The following FRY variants were observed in gnomAD, a reference collection of about 807,000 sequenced individuals.
FRY encodes FRY microtubule binding protein.
In FRY, 128 loss-of-function variants were observed where a neutral mutation model predicts 348.4. The observed-to-expected ratio is 0.37, with a 90% confidence interval of 0.32 to 0.43. FRY has a LOEUF of 0.43. Ranked by LOEUF, FRY falls within the 20% of genes least tolerant of loss-of-function variation. The probability of loss-of-function intolerance (pLI) is 1.00; values close to 1 mark genes in which losing one functional copy is unlikely to be tolerated. For missense variants in FRY, 2,736 were observed against 3,695.2 expected (o/e 0.74, Z 6.73); for synonymous variants, 1,370 against 1,374.7 (o/e 1.00, Z 0.08).
chr13:32,137,785 A>C (rs1454308836), intron 11 of FRY, among the ~76,000 whole-genome samples: 1 of 152,228 alleles, frequency 6.6e-6, no homozygotes, highest in African/African-American at 2.4e-5. Flanking sequence ...TTGAATTTTA[A>C]GAATATAGTT....
chr13:32,203,837 C>T (rs1169183626), intron 31 of FRY, among the ~76,000 whole-genome samples: 1 of 152,226 alleles, frequency 6.6e-6, no homozygotes, highest in Non-Finnish European at 1.5e-5. Flanking sequence ...ATCACCACCT[C>T]ACCACTGCTT....
At chr13:32,071,739 G>C (rs1361561089) in intron 1 of FRY, among the ~76,000 whole-genome samples, 1 of 152,072 alleles carries the variant, frequency 6.6e-6, no homozygotes, top group African/African-American at 2.4e-5. Context: ...CAGGGAAATT[G>C]GGAGTTGCTA....
At chr13:32,214,534 T>C (rs537019304) in intron 35 of FRY, among the ~76,000 whole-genome samples, 2 of 152,328 alleles carry the variant, frequency 1.3e-5, no homozygotes, top group South Asian at 2.1e-4. Flanking sequence ...AGCCAAAAGA[T>C]TGGACACCCG....
rs531744515 is a variant in FRY, at chr13:32,062,589, CTT to C, written c.71-16243_71-16242del. On this transcript the variant is annotated intron_variant, in intron 1 of 60. Coordinates refer to ENST00000542859, the MANE Select transcript of FRY (RefSeq NM_023037.3). ...AGCATGTATTAAGTGAATTTTATGT[CTT>C]TGTACATTTCCATAACTAAGAATTT... Among the ~76,000 whole-genome samples the C allele has an allele frequency of 9.9e-5, 15 of 152,128 alleles. No individual in the cohort carries two copies. The East Asian group carries it at 2.3e-3, about 23-fold the overall frequency.
intron 1 of FRY, among the ~76,000 whole-genome samples, chr13:32,034,280 A>G (rs547353331): frequency 6.6e-6 from 1 of 152,344 alleles, no homozygotes; most frequent in East Asian, 1.9e-4. Flanking sequence ...ATATTTTTTT[A>G]AATGGCACAT....
chr13:32,124,927 C>A, intron 7 of FRY, 52 bp downstream of exon 7: 1 of 1,289,156 alleles, frequency 7.8e-7, no homozygotes, highest in South Asian at 1.2e-5. Flanking sequence ...CTTTCACTGT[C>A]CTTCCAGCCC....
intron 46 of FRY, among the ~76,000 whole-genome samples, chr13:32,240,858 G>C (rs1886461815): frequency 1.3e-5 from 2 of 152,086 alleles, no homozygotes; most frequent in African/African-American, 4.8e-5. Flanking sequence ...TTAAAAATCA[G>C]CCATTTTCTC....
intron 21 of FRY, 79 bp downstream of exon 21, chr13:32,178,515 G>C (rs1882504464): frequency 2.1e-6 from 3 of 1,455,170 alleles, no homozygotes; most frequent in Non-Finnish European, 2.9e-6. Flanking sequence ...GTAAGAGATT[G>C]GGATGTTATC....
At chr13:32,201,007 G>A (rs894899749) in intron 29 of FRY, among the ~76,000 whole-genome samples, 7 of 152,040 alleles carry the variant, frequency 4.6e-5, no homozygotes, top group African/African-American at 1.7e-4. Context: ...AGTGAATGCC[G>A]TGGCCCCCCT....
intron 55 of FRY, among the ~76,000 whole-genome samples, chr13:32,271,785 C>T (rs774464135): frequency 2.0e-5 from 3 of 152,204 alleles, no homozygotes; most frequent in Non-Finnish European, 4.4e-5. Flanking sequence ...GGATCTTTCG[C>T]CACTCCAGCA....
chr13:32,274,634 G>A (rs1259316841), intron 55 of FRY, among the ~76,000 whole-genome samples: 2 of 149,772 alleles, frequency 1.3e-5, no homozygotes, highest in African/African-American at 4.9e-5. Flanking sequence ...AACCTGGGAG[G>A]GGGAGCTTGC....
intron 17 of FRY, among the ~76,000 whole-genome samples, chr13:32,169,953 G>A (rs1881959863): frequency 6.6e-6 from 1 of 152,114 alleles, no homozygotes; most frequent in Non-Finnish European, 1.5e-5. Flanking sequence ...TTGACATTTT[G>A]GGCCAGAAAA....
At chr13:32,153,377 C>G (rs114451218) in intron 14 of FRY, among the ~76,000 whole-genome samples, 6,300 of 152,226 alleles carry the variant, frequency 0.041, 143 homozygotes, top group South Asian at 0.055. Flanking sequence ...AATGCACAAA[C>G]TGCTGATACT....
At chr13:32,070,329 A>G (rs1874554904) in intron 1 of FRY, among the ~76,000 whole-genome samples, 1 of 152,200 alleles carries the variant, frequency 6.6e-6, no homozygotes, top group Non-Finnish European at 1.5e-5. Flanking sequence ...TTACACTCCC[A>G]CCAACAATGT....
Position 32,161,157 on chromosome 13 carries a change from C to T in FRY, c.1798C>T (p.Pro600Ser). The T allele has an allele frequency of 1.2e-6, 2 of 1,610,206 alleles. No homozygotes were observed. The highest frequency in any genetic ancestry group is 1.7e-6 in the Non-Finnish European group (2 of 1,176,618). Residue 600 changes from proline (P) to serine (S), a missense_variant, in exon 17 of 61, where the codon CCA becomes TCA. By Grantham distance (74) the Pro-to-Ser change is moderately conservative. Around this residue, in one of 9 missense-constraint regions of FRY, gnomAD observed 191 missense variants for 370.2 expected, o/e 0.52. Coordinates refer to ENST00000542859, the MANE Select transcript of FRY (RefSeq NM_023037.3). ...PEDMITGERK[P>S]KIDLFRTCVA... is the part of the protein sequence containing the mutation. Reference sequence around the variant, plus strand: ...TTCTAATTCTAGGGGTGAGAGAAAGCCAAAAATAGATCTTTTCAGGACCTG... The same window carrying T: ...TTCTAATTCTAGGGGTGAGAGAAAGTCAAAAATAGATCTTTTCAGGACCTG...
At chr13:32,049,372 G>A (rs1013494651) in intron 1 of FRY, among the ~76,000 whole-genome samples, 3 of 152,174 alleles carry the variant, frequency 2.0e-5, no homozygotes, top group Non-Finnish European at 4.4e-5. Context: ...CAGATGACAG[G>A]GAGCATGGAA....
intron 16 of FRY, among the ~76,000 whole-genome samples, chr13:32,159,343 G>C (rs1048300100): frequency 6.6e-6 from 1 of 152,256 alleles, no homozygotes; most frequent in East Asian, 1.9e-4. Flanking sequence ...CATTGGAGTT[G>C]ATATTTGAAG....
chr13:32,149,419 C>T (rs1274797374), intron 13 of FRY, among the ~76,000 whole-genome samples: 1 of 151,468 alleles, frequency 6.6e-6, no homozygotes, highest in Non-Finnish European at 1.5e-5. Flanking sequence ...GAAGAGTTCA[C>T]ATTCTTTATA....
rs558880509 is a variant in FRY at position 32,246,789 on chromosome 13, G to A, written c.6829-534G>A. ...CGTGGAGGGAACAGATTACCAGGAG[G>A]GAGGGAAAGAAAGGGTTAAGAAGGG... On this transcript the variant is annotated intron_variant, in intron 47 of 60. Coordinates refer to ENST00000542859, the MANE Select transcript of FRY (RefSeq NM_023037.3). Among the ~76,000 whole-genome samples the A allele has an allele frequency of 7.9e-5, 12 of 152,282 alleles. No individual in the cohort carries two copies. In the East Asian group the frequency reaches 2.1e-3, roughly 27 times the overall value.
Sources: gnomAD v4.1 joint callset for allele counts (sites outside exome capture counted in the v4.1 genomes callset) on GRCh38, gnomAD v4.1.1 for gene constraint, gnomAD v4.1.1 regional missense constraint, MANE v1.5 for transcripts, NCBI Gene and HGNC (gene_info 2026-07-23, HGNC 2026-07-21) for gene names.